The following DKK4 variants were observed in gnomAD, a reference collection of about 807,000 sequenced individuals.
DKK4 encodes the protein dickkopf-related protein 4.
DKK4 carries 15 observed loss-of-function variants against 14.5 expected under a neutral mutation model. That is an observed-to-expected ratio of 1.03 (90% CI 0.69 to 1.59). The LOEUF is 1.59. Among genes scored for constraint, DKK4 ranks in the 40% most tolerant of loss-of-function variants. The pLI, the probability that DKK4 is intolerant of heterozygous loss-of-function variation, is 0.00. For synonymous variants in DKK4, 89 were observed against 105.2 expected, an observed-to-expected ratio of 0.85 and a Z score of 0.94; for missense variants, 272 against 280.3, an observed-to-expected ratio of 0.97 and a Z score of 0.21.
intron 2 of DKK4, 113 bp from the exon 3 acceptor site, chr8:42,375,026 T>C (rs1225234571): frequency 9.6e-7 from 1 of 1,038,286 alleles, no homozygotes; most frequent in Non-Finnish European, 1.4e-6. Flanking sequence ...TCAGTTTATA[T>C]ATAACTTTCT....
At chr8:42,379,336 C>A (rs1463229230), upstream of DKK4, among the ~76,000 whole-genome samples, 1 of 109,350 alleles carries the variant, frequency 9.1e-6, no homozygotes, top group Admixed American at 1.1e-4. Context: ...ATCATTTAAG[C>A]CCAGGAGATT....
upstream of DKK4, among the ~76,000 whole-genome samples, chr8:42,379,056 G>T (rs868520623): frequency 2.0e-5 from 3 of 150,942 alleles, no homozygotes; most frequent in African/African-American, 7.3e-5. Flanking sequence ...TTCGAGACCA[G>T]CCTGGCCAAT....
At chr8:42,382,909 C>T in the DKK4 span, among the ~76,000 whole-genome samples, 2 of 152,218 alleles carry the variant, frequency 1.3e-5, no homozygotes, top group Non-Finnish European at 2.9e-5. Context: ...CCTGTGTCCT[C>T]CCGCGTGACA....
Position 42,376,362 on chromosome 8 carries a change from T to C in DKK4, c.112-532A>G, listed in dbSNP as rs141551286. On this transcript the variant is annotated intron_variant, in intron 1 of 3. Coordinates refer to ENST00000220812, the MANE Select transcript of DKK4 (RefSeq NM_014420.3). ...CTCATACACAGTTGATGCTTCTACA[T>C]AGACATACAACGTAGGTGTAGCATA... is the stretch of plus-strand genomic sequence containing the variant. 1.2e-4 allele frequency among the ~76,000 whole-genome samples: 18 copies of C among 152,336 alleles called. No individual in the cohort carries two copies. The East Asian group carries it at 3.5e-3, about 29-fold the overall frequency.
At chr8:42,376,023 C>T (rs988538993) in intron 1 of DKK4, among the ~76,000 whole-genome samples, 193 bp from the exon 2 acceptor site, 2 of 152,178 alleles carry the variant, frequency 1.3e-5, no homozygotes, top group Admixed American at 1.3e-4. Flanking sequence ...GAGACCTAGG[C>T]GCTGCAAAGG....
At chr8:42,374,708 G>T in intron 3 of DKK4, 53 bp downstream of exon 3, 1 of 1,606,648 alleles carries the variant, frequency 6.2e-7, no homozygotes, top group African/African-American at 1.3e-5. Context: ...TTAAGAGGCT[G>T]GGAGGAGAAA....
upstream of DKK4, among the ~76,000 whole-genome samples, chr8:42,379,820 A>G (rs1364573935): frequency 1.3e-5 from 2 of 152,058 alleles, no homozygotes; most frequent in Non-Finnish European, 2.9e-5. Context: ...GAAGGATGAG[A>G]TGAAGCAAGA....
At chr8:42,380,803 AAAAG>A (rs1477136528), upstream of DKK4, among the ~76,000 whole-genome samples, 1 of 129,602 alleles carries the variant, frequency 7.7e-6, no homozygotes, top group Non-Finnish European at 1.5e-5. Context: ...AAAGAAAAAG[AAAAG>A]GAAGGAAGGA....
Position 42,375,736 on chromosome 8 carries a change from A to C in DKK4, c.206T>G (p.Leu69Trp). The C allele has an allele frequency of 6.2e-7, 1 of 1,614,032 alleles. No individual in the cohort carries two copies. Among genetic ancestry groups the C allele is most frequent in the Middle Eastern group, 1.7e-4 (1 of 5,982 alleles). Residue 69 changes from leucine to tryptophan, a missense_variant, in exon 2 of 4, where the codon TTG becomes TGG. Leu to Trp is a moderately conservative substitution (Grantham distance 61). Coordinates refer to ENST00000220812, the MANE Select transcript of DKK4 (RefSeq NM_014420.3). The stretch of plus-strand genomic sequence containing the variant: ...GGCATCTCGCTGGCACCTCCTCCGC[A>C]ACCCACGACATGTAGCACAGAACGG... ...EKPFCATCRG[L>W]RRRCQRDAMC... is the part of the protein sequence containing the mutation.
chr8:42,374,073 T>C lies in DKK4; in HGVS notation c.*27A>G. ...TGTCCAAGATTGAGCTCAAATGCAA[T>C]GTGGATTCTTCTTTATTTTGAAATA... is the stretch of plus-strand genomic sequence containing the variant. On this transcript the variant is annotated 3_prime_UTR_variant, in exon 4 of 4. Coordinates refer to ENST00000220812, the MANE Select transcript of DKK4 (RefSeq NM_014420.3). 6.2e-7 allele frequency: 1 copy of C among 1,609,108 alleles called. No individual in the cohort carries two copies. The highest frequency in any genetic ancestry group is 1.1e-5 in the South Asian group (1 of 90,302).
chr8:42,376,899 A>G, intron 1 of DKK4, 36 bp downstream of exon 1: 1 of 1,543,106 alleles, frequency 6.5e-7, no homozygotes, highest in South Asian at 1.1e-5. Context: ...AGCTGTCAGC[A>G]GTCCCGTACC....
At position 42,377,183 on chromosome 8, in the gene DKK4, T is replaced by TA. The variant is rs1824582394; in HGVS notation, c.-139dup. Reference sequence around the variant, plus strand: ...TTGTCACTGCTTTTTCTGAAAGAAGTAAACCTTAGTCTGAGTAAGGTGCGT... The same window carrying TA: ...TTGTCACTGCTTTTTCTGAAAGAAGTAAAACCTTAGTCTGAGTAAGGTGCGT... On this transcript the variant is annotated 5_prime_UTR_variant, in exon 1 of 4. Transcript: ENST00000220812. The TA allele has an allele frequency of 2.9e-6, 2 of 680,098 alleles. No homozygotes were observed. Among genetic ancestry groups the TA allele is most frequent in the Non-Finnish European group, 4.9e-6 (2 of 404,274 alleles). 42.1% of individuals were successfully genotyped at this position (680,098 alleles called of 1,614,324 possible).
chr8:42,377,305 C>T, upstream of DKK4: 1 of 457,298 alleles, frequency 2.2e-6, no homozygotes. Flanking sequence ...TCCTGCCCCA[C>T]ACAGGCTTCA....
At chr8:42,384,946 T>C in the DKK4 span, among the ~76,000 whole-genome samples, 1 of 152,242 alleles carries the variant, frequency 6.6e-6, no homozygotes, top group Admixed American at 6.5e-5. Flanking sequence ...TTTCCCAAAC[T>C]GTCTCTGATT....
rs776049231 is a variant in DKK4 at position 42,375,850 on chromosome 8, T to C, written c.112-20A>G. Reference sequence around the variant, plus strand: ...TGAGCCCTGTGGAGGGAATCTGTTATCACAAGGCTAGGAAACCCCCAACAC... The same window carrying C: ...TGAGCCCTGTGGAGGGAATCTGTTACCACAAGGCTAGGAAACCCCCAACAC... On this transcript the variant is annotated intron_variant, in intron 1 of 3. Transcript: ENST00000220812. 20 of 1,612,602 alleles carry C rather than the reference T, an allele frequency of 1.2e-5. No homozygotes were observed. The highest frequency in any genetic ancestry group is 1.7e-5 in the Non-Finnish European group (20 of 1,179,260).
upstream of DKK4, among the ~76,000 whole-genome samples, chr8:42,381,887 C>T (rs1292534884): frequency 1.3e-5 from 2 of 152,128 alleles, no homozygotes; most frequent in Non-Finnish European, 2.9e-5. Flanking sequence ...ATCCCAGTTA[C>T]TTGGGAGGCT....
chr8:42,374,896 C>T lies in DKK4; in HGVS notation c.280G>A (p.Glu94Lys). 1 of 1,614,174 alleles carries T rather than the reference C, an allele frequency of 6.2e-7. No individual in the cohort carries two copies. Among genetic ancestry groups the T allele is most frequent in the African/African-American group, 1.3e-5 (1 of 75,054 alleles). The change falls in exon 3 of 4, where the codon GAA (glutamate) becomes AAA (lysine). Residue 94 changes from glutamate (E) to lysine (K), a missense_variant. Coordinates refer to ENST00000220812, the MANE Select transcript of DKK4 (RefSeq NM_014420.3). Reference protein sequence around the residue: ...LCVNDVCTTMEDATPILERQL... With the variant: ...LCVNDVCTTMKDATPILERQL... ...CTTTCTAATATTGGGGTTGCATCTT[C>T]CATCGTAGTACAAACATCTGAGGGA... is the stretch of plus-strand genomic sequence containing the variant.
Position 42,376,972 on chromosome 8 carries a change from T to A in DKK4, c.74A>T (p.Asn25Ile). 6.2e-7 allele frequency: 1 copy of A among 1,613,760 alleles called. No individual in the cohort carries two copies. Among genetic ancestry groups the A allele is most frequent in the Non-Finnish European group, 8.5e-7 (1 of 1,179,998 alleles). Residue 25 changes from asparagine to isoleucine, a missense_variant, in exon 1 of 4, where the codon AAC (asparagine) becomes ATC (isoleucine). By Grantham distance (149) the Asn-to-Ile change is moderately radical. Transcript: ENST00000220812. ...ATGCAGGTCAGCAGAGCTCCTGATG[T>A]TGTTGAAGTCCAGGACCAGAGCTCC... The part of the protein sequence containing the change: ...PLGALVLDFN[N>I]IRSSADLHGA...
rs890620088 is a variant in DKK4, at chr8:42,374,151, G to A, written c.624C>T (p.Ser208=). 4.3e-6 allele frequency: 7 copies of A among 1,613,008 alleles called. No individual in the cohort carries two copies. Among genetic ancestry groups the A allele is most frequent in the Non-Finnish European group, 5.1e-6 (6 of 1,179,984 alleles). Residue 208 remains serine (S), a synonymous_variant, in exon 4 of 4, where the codon AGC becomes AGT. Transcript: ENST00000220812. ...PGLLCRSQLT[S]NRQHARLRVC... is the part of the protein sequence containing the mutation. The stretch of plus-strand genomic sequence containing the variant: ...CTCTTAATCGAGCATGCTGCCGATT[G>A]CTGGTCAATTGGCTTCGACACAGTA...
Sources: allele counts gnomAD v4.1 joint callset (sites outside exome capture counted in the v4.1 genomes callset), GRCh38; gene constraint gnomAD v4.1.1; transcripts MANE v1.5; gene names NCBI Gene and HGNC (gene_info 2026-07-23, HGNC 2026-07-21).